Variants in ERC2 observed in about 807,000 individuals in gnomAD.
ERC2 encodes ELKS/RAB6-interacting/CAST family member 2.
ERC2 carries 42 observed loss-of-function variants against 114.8 expected under a neutral mutation model. That is an observed-to-expected ratio of 0.37 (90% CI 0.29 to 0.47). The LOEUF (loss-of-function observed/expected upper bound fraction) is 0.47, where lower values mean the gene tolerates loss of function less well. ERC2 is among the 20% of genes least tolerant of loss of function. The pLI, the probability that ERC2 is intolerant of heterozygous loss-of-function variation, is 0.99. For synonymous variants in ERC2, 454 were observed against 425.5 expected (o/e 1.07, Z -0.82); for missense variants, 939 against 1,150.7 (o/e 0.82, Z 2.66).
At chr3:55,790,285 C>T (rs1255834363) in intron 14 of ERC2, among the ~76,000 whole-genome samples, 1 of 152,150 alleles carries the variant, frequency 6.6e-6, no homozygotes, top group African/African-American at 2.4e-5. Flanking sequence ...GCTACTTCTG[C>T]TTCCTTGCAG....
At chr3:55,761,529 A>G (rs1267842673) in intron 14 of ERC2, among the ~76,000 whole-genome samples, 1 of 152,254 alleles carries the variant, frequency 6.6e-6, no homozygotes, top group East Asian at 1.9e-4. Flanking sequence ...GAAAGCAGCC[A>G]TGACAGCACA....
chr3:56,122,281 G>A (rs1256080510), intron 6 of ERC2, among the ~76,000 whole-genome samples: 1 of 151,986 alleles, frequency 6.6e-6, no homozygotes, highest in Non-Finnish European at 1.5e-5. Context: ...CATTATGTTG[G>A]GAAGATCCCA....
chr3:55,553,011 A>ATTTTT lies in ERC2; in HGVS notation c.*40-41740_*40-41736dup, dbSNP rs66602607. On this transcript the variant is annotated intron_variant, in intron 17 of 17. Coordinates refer to ENST00000288221, the MANE Select transcript of ERC2 (RefSeq NM_015576.3). ...GTCGTTATTATTGTGGGGCTTCCAG[A>ATTTTT]TTTTTTTTTTTTTTTTTTTTTTTTT... 6.3e-4 allele frequency among the ~76,000 whole-genome samples: 35 copies of ATTTTT among 55,218 alleles called. 6 individuals are homozygous for ATTTTT. The highest frequency in any genetic ancestry group is 1.5e-3 in the African/African-American group (23 of 14,982). 36.2% of individuals were successfully genotyped at this position (55,218 alleles called of 152,430 possible). A position where few individuals can be genotyped will look rare whatever the true frequency, so the allele number is the denominator to read the frequency against.
At chr3:56,293,751 G>A (rs1471919044) in intron 3 of ERC2, among the ~76,000 whole-genome samples, 3 of 152,126 alleles carry the variant, frequency 2.0e-5, no homozygotes, top group Admixed American at 2.0e-4. Context: ...CTTTCAAACT[G>A]GTGTTTAGGG....
intron 17 of ERC2, among the ~76,000 whole-genome samples, chr3:55,650,708 C>A (rs917822700): frequency 5.3e-5 from 8 of 152,248 alleles, no homozygotes; most frequent in African/African-American, 1.9e-4. Context: ...TGAAGAAATT[C>A]TCTTCCAGAA....
rs59969304 is a variant in ERC2 at position 55,714,667 on chromosome 3, GTATATATATATATATATATATATATATA to G, written c.2713-15183_2713-15156del. On this transcript the variant is annotated intron_variant, in intron 15 of 17. Transcript: ENST00000288221. ...TGTGTGTGTGTGTGTGTGTGTGTGTGTATATATATATATATATATATATATATATATATATATATATATATATGAAAAG... is the reference window on the plus strand; with the variant it reads ...TGTGTGTGTGTGTGTGTGTGTGTGTGTATATATATATATATATATGAAAAG... Among the ~76,000 whole-genome samples the G allele has an allele frequency of 2.6e-3, 234 of 88,592 alleles. 4 individuals are homozygous for G. The highest frequency in any genetic ancestry group is 0.011 in the African/African-American group (222 of 20,008). The allele number at this position is 88,592 out of a possible 152,430, so 58.1% of individuals were successfully genotyped here. A position where few individuals can be genotyped will look rare whatever the true frequency, so the allele number is the denominator to read the frequency against.
Position 55,650,852 on chromosome 3 carries a change from CT to C in ERC2, c.*39+32941del, listed in dbSNP as rs1285001832. 2.0e-3 allele frequency among the ~76,000 whole-genome samples: 243 copies of C among 118,778 alleles called. 2 individuals carry two copies. The highest frequency in any genetic ancestry group is 4.0e-3 in the African/African-American group (132 of 33,046). The allele number at this position is 118,778 out of a possible 152,430, so 77.9% of individuals were successfully genotyped here. On this transcript the variant is annotated intron_variant, in intron 17 of 17. Coordinates refer to ENST00000288221, the MANE Select transcript of ERC2 (RefSeq NM_015576.3). ...GCCTCTCATAGGGTGTTTTTTTTTT[CT>C]TTTTTTTTTTAGATGGAGTCTCTGG...
At chr3:56,467,679 C>A (rs1170328203) in intron 1 of ERC2, among the ~76,000 whole-genome samples, 1 of 152,016 alleles carries the variant, frequency 6.6e-6, no homozygotes, top group African/African-American at 2.4e-5. Context: ...CATACACCAT[C>A]CCCTAGCCCT....
intron 4 of ERC2, 150 bp downstream of exon 4, chr3:56,173,296 C>T (rs943832755): frequency 1.4e-6 from 1 of 716,388 alleles, no homozygotes; most frequent in Non-Finnish European, 2.4e-6. Flanking sequence ...TTAAATGTGC[C>T]CAGGAAGGTA....
intron 17 of ERC2, among the ~76,000 whole-genome samples, chr3:55,610,061 A>AC (rs1166228783): frequency 4.4e-4 from 32 of 72,654 alleles, no homozygotes; most frequent in East Asian, 1.4e-3. Context: ...AAACAAACAC[A>AC]AACAAAAAAA....
intron 12 of ERC2, among the ~76,000 whole-genome samples, chr3:55,982,556 CTAT>C (rs1226766160): frequency 2.0e-5 from 3 of 152,036 alleles, no homozygotes; most frequent in African/African-American, 7.2e-5. Flanking sequence ...CCTGTTGTTT[CTAT>C]TATTATTATT....
intron 2 of ERC2, among the ~76,000 whole-genome samples, chr3:56,373,042 A>C (rs555717381): frequency 6.8e-4 from 104 of 152,358 alleles, no homozygotes; most frequent in African/African-American, 2.4e-3. Flanking sequence ...TTGTACTTTG[A>C]CAAATACAGA....
intron 17 of ERC2, among the ~76,000 whole-genome samples, chr3:55,631,778 C>T (rs1184531693): frequency 6.6e-6 from 1 of 152,168 alleles, no homozygotes; most frequent in African/African-American, 2.4e-5. Context: ...CTCAAATCCA[C>T]ACTGTTGGCT....
chr3:55,895,617 C>T lies in ERC2; in HGVS notation c.2404-7068G>A, dbSNP rs556028048. 1.2e-4 allele frequency among the ~76,000 whole-genome samples: 19 copies of T among 152,282 alleles called. No individual in the cohort carries two copies. The East Asian group carries it at 3.1e-3, about 25-fold the overall frequency. ...TGCTATAATACAACTGGACTGTAAT[C>T]CCTGGAGGGCAGAGACTGTGTCTCC... On this transcript the variant is annotated intron_variant, in intron 13 of 17. Transcript: ENST00000288221.
rs562664314 is a variant in ERC2, at chr3:55,524,147, C to T, written c.*40-12871G>A. ...TAATGGCTGGCATATAACAGGAGTG[C>T]AATGAGAAGTAGTCCTTATTATCTC... On this transcript the variant is annotated intron_variant, in intron 17 of 17. Coordinates refer to ENST00000288221, the MANE Select transcript of ERC2 (RefSeq NM_015576.3). Among the ~76,000 whole-genome samples, 6 of 152,288 alleles carry T rather than the reference C, an allele frequency of 3.9e-5. No homozygotes were observed. The East Asian group carries it at 1.2e-3, about 29-fold the overall frequency.
At chr3:55,610,396 T>A (rs2058852975) in intron 17 of ERC2, among the ~76,000 whole-genome samples, 1 of 152,006 alleles carries the variant, frequency 6.6e-6, no homozygotes, top group Non-Finnish European at 1.5e-5. Context: ...ACCACCACCC[T>A]CCTTAGAACT....
intron 17 of ERC2, among the ~76,000 whole-genome samples, chr3:55,590,687 G>A (rs146228425): frequency 9.6e-4 from 146 of 152,350 alleles, no homozygotes; most frequent in Non-Finnish European, 1.7e-3. Flanking sequence ...ACTTATGCAT[G>A]TAAATGTGGA....
At chr3:55,816,549 T>C (rs1372022982) in intron 14 of ERC2, among the ~76,000 whole-genome samples, 2 of 152,172 alleles carry the variant, frequency 1.3e-5, no homozygotes, top group African/African-American at 2.4e-5. Flanking sequence ...ATTCTGAGTA[T>C]GTAGCAGACT....
chr3:56,325,910 A>G (rs1299752349), intron 2 of ERC2, among the ~76,000 whole-genome samples: 1 of 152,178 alleles, frequency 6.6e-6, no homozygotes. Context: ...CTATACTTCC[A>G]GGTAGGAAAC....
Sources: allele counts gnomAD v4.1 joint callset (sites outside exome capture counted in the v4.1 genomes callset), GRCh38; gene constraint gnomAD v4.1.1; transcripts MANE v1.5; gene names NCBI Gene and HGNC (gene_info 2026-07-23, HGNC 2026-07-21).